The following PTPRD variants were observed in gnomAD, a reference collection of about 807,000 sequenced individuals.
PTPRD encodes receptor-type tyrosine-protein phosphatase delta.
In PTPRD, 34 loss-of-function variants were observed where a neutral mutation model predicts 214.5. The observed-to-expected ratio is 0.16, with a 90% CI of 0.12 to 0.21. The LOEUF is 0.21. Among genes scored for constraint, PTPRD ranks in the 10% least tolerant of loss-of-function variants. PTPRD has a pLI of 1.00. For missense variants in PTPRD, 2,545 were observed against 2,398.7 expected, an observed-to-expected ratio of 1.06 and a Z score of -1.27; for synonymous variants, 1,128 against 845.7, an observed-to-expected ratio of 1.33 and a Z score of -5.79.
chr9:10,032,112 G>A (rs980614878), intron 4 of PTPRD, among the ~76,000 whole-genome samples: 7 of 152,038 alleles, frequency 4.6e-5, no homozygotes, highest in Non-Finnish European at 1.0e-4. Context: ...GGAAGATCTC[G>A]ATTAATACTC....
chr9:8,682,897 G>C (rs1381029660), intron 12 of PTPRD, among the ~76,000 whole-genome samples: 1 of 152,050 alleles, frequency 6.6e-6, no homozygotes, highest in Admixed American at 6.6e-5. Context: ...TTGTAAGCGA[G>C]TTTCTGCTGT....
At chr9:8,518,817 A>G (rs2097836895) in intron 20 of PTPRD, among the ~76,000 whole-genome samples, 1 of 152,174 alleles carries the variant, frequency 6.6e-6, no homozygotes, top group Non-Finnish European at 1.5e-5. Flanking sequence ...TGTGAAGACT[A>G]ATGAGCCAAT....
chr9:8,486,482 T>C (rs13292865), intron 27 of PTPRD, 133 bp from the exon 28 acceptor site: 77,679 of 815,718 alleles, frequency 0.095, 4,263 homozygotes, highest in East Asian at 0.18. Flanking sequence ...AAACAGGCAA[T>C]GTTTGACCTA....
At chr9:8,929,779 GGGTGTGTATATATGTGTGTGTATATA>G (rs1567061721) in intron 11 of PTPRD, among the ~76,000 whole-genome samples, 8 of 55,736 alleles carry the variant, frequency 1.4e-4, no homozygotes, top group African/African-American at 4.1e-4. Flanking sequence ...GTATATATAT[GGGTGTGTATATATGTGTGTGTATATA>G]TGTGTATATA....
rs548392447 is a variant in PTPRD at position 9,201,264 on chromosome 9, T to G, written c.-202-17901A>C. On this transcript the variant is annotated intron_variant, in intron 9 of 45. Transcript: ENST00000381196. ...CATTAAAAAACAATGCTGACTTAAG[T>G]AGAAGGAAACAGGAAGTTAAGAAAT... Among the ~76,000 whole-genome samples the G allele has an allele frequency of 6.6e-5, 10 of 152,236 alleles. No individual in the cohort carries two copies. The South Asian group carries it at 2.1e-3, about 32-fold the overall frequency.
At chr9:8,479,487 CT>C (rs923195115) in intron 30 of PTPRD, among the ~76,000 whole-genome samples, 6 of 152,126 alleles carry the variant, frequency 3.9e-5, no homozygotes, top group Admixed American at 6.5e-5. Flanking sequence ...TACCTTTTCC[CT>C]GACTCCCTTT....
intron 9 of PTPRD, among the ~76,000 whole-genome samples, chr9:9,188,414 T>C (rs549381499): frequency 6.6e-6 from 1 of 152,238 alleles, no homozygotes; most frequent in South Asian, 2.1e-4. Context: ...TACGTATATG[T>C]TAAATTTCAA....
At chr9:10,175,631 C>T (rs960795711) in intron 3 of PTPRD, among the ~76,000 whole-genome samples, 18 of 151,928 alleles carry the variant, frequency 1.2e-4, no homozygotes, top group Non-Finnish European at 2.4e-4. Context: ...TAATGTTACC[C>T]TGTGGTACAG....
chr9:10,164,305 G>T (rs1414673943), intron 3 of PTPRD, among the ~76,000 whole-genome samples: 1 of 151,416 alleles, frequency 6.6e-6, no homozygotes, highest in Non-Finnish European at 1.5e-5. Flanking sequence ...AAATACAAAT[G>T]ACAACAATTT....
chr9:8,715,638 C>T (rs994904079), intron 12 of PTPRD, among the ~76,000 whole-genome samples: 6 of 152,096 alleles, frequency 3.9e-5, no homozygotes, highest in Admixed American at 6.5e-5. Context: ...TACGGACCTA[C>T]AAAAATGCAA....
Position 8,580,548 on chromosome 9 carries a change from T to C in PTPRD, c.353-51769A>G, listed in dbSNP as rs977457665. Among the ~76,000 whole-genome samples, 7 of 152,322 alleles carry C rather than the reference T, an allele frequency of 4.6e-5. No individual in the cohort carries two copies. The East Asian group carries it at 7.7e-4, about 17-fold the overall frequency. On this transcript the variant is annotated intron_variant, in intron 14 of 45. Transcript: ENST00000381196. Reference sequence around the variant, plus strand: ...CTGAATGTAAAGATACCAAAGTACGTGATAGTCTGAACTATCAGGGAAGTC... The same window carrying C: ...CTGAATGTAAAGATACCAAAGTACGCGATAGTCTGAACTATCAGGGAAGTC...
chr9:8,440,323 T>A (rs1010444750), intron 34 of PTPRD, among the ~76,000 whole-genome samples: 62 of 151,954 alleles, frequency 4.1e-4, no homozygotes, highest in East Asian at 5.8e-4. Flanking sequence ...TGTATTATTT[T>A]TTTTTTTTTT....
rs527601331 is a variant in PTPRD at position 9,743,115 on chromosome 9, T to A, written c.-325-8544A>T. Among the ~76,000 whole-genome samples, 7 of 152,172 alleles carry A rather than the reference T, an allele frequency of 4.6e-5. No homozygotes were observed. The South Asian group carries it at 1.5e-3, about 32-fold the overall frequency. ...CACATAGCCTTACCTTCTCTCTACA[T>A]CCCCCTGCAATGGCTCATGAGCCAT... On this transcript the variant is annotated intron_variant, in intron 6 of 45. Transcript: ENST00000381196.
chr9:9,793,932 A>G (rs1448240802), intron 5 of PTPRD, among the ~76,000 whole-genome samples: 1 of 152,198 alleles, frequency 6.6e-6, no homozygotes, highest in African/African-American at 2.4e-5. Context: ...ACTTCCTAAA[A>G]TATAAGAGTA....
intron 10 of PTPRD, among the ~76,000 whole-genome samples, chr9:9,155,162 G>A (rs904290750): frequency 2.0e-5 from 3 of 152,108 alleles, no homozygotes; most frequent in African/African-American, 7.2e-5. Flanking sequence ...ATGCATTGAA[G>A]GGTAACATTC....
intron 11 of PTPRD, among the ~76,000 whole-genome samples, chr9:8,807,259 C>G (rs1488569000): frequency 1.3e-5 from 2 of 152,034 alleles, no homozygotes; most frequent in African/African-American, 4.8e-5. Flanking sequence ...ATCGCTTGAA[C>G]CCGGGAGGCA....
intron 11 of PTPRD, among the ~76,000 whole-genome samples, chr9:8,996,101 C>T (rs1327866091): frequency 2.0e-5 from 3 of 151,926 alleles, no homozygotes; most frequent in Admixed American, 1.3e-4. Flanking sequence ...ATGCCACTCC[C>T]AAAACTCCAA....
chr9:9,830,084 G>T (rs912600223), intron 5 of PTPRD, among the ~76,000 whole-genome samples: 18 of 151,502 alleles, frequency 1.2e-4, no homozygotes, highest in South Asian at 8.3e-4. Context: ...GCATTATTAA[G>T]TAAAAATAAT....
intron 14 of PTPRD, among the ~76,000 whole-genome samples, chr9:8,606,618 T>C (rs749583663): frequency 6.6e-5 from 10 of 152,204 alleles, no homozygotes; most frequent in Non-Finnish European, 1.3e-4. Context: ...CACTACATGA[T>C]GCTTGATATT....
Sources: allele counts gnomAD v4.1 joint callset (sites outside exome capture counted in the v4.1 genomes callset), GRCh38; gene constraint gnomAD v4.1.1; transcripts MANE v1.5; gene names NCBI Gene and HGNC (gene_info 2026-07-23, HGNC 2026-07-21).